The following TMEM233 variants were observed in gnomAD, a reference collection of about 807,000 sequenced individuals.
TMEM233 encodes the protein dispanin subfamily B member 2.
Under a neutral mutation model 11.2 loss-of-function variants are expected in TMEM233, and 6 were observed. The observed-to-expected ratio is 0.54, with a 90% CI of 0.29 to 1.06. TMEM233 has a LOEUF of 1.06. Ranked by LOEUF, TMEM233 falls within the 50% of genes least tolerant of loss-of-function variation. TMEM233 has a pLI of 0.08. For missense variants in TMEM233, 127 were observed against 144.7 expected, an observed-to-expected ratio of 0.88 and a Z score of 0.63; for synonymous variants, 59 against 55.8, an observed-to-expected ratio of 1.06 and a Z score of -0.26.
At chr12:119,626,552 AAGAGAAGAGAAG>A (rs1954769296) in intron 1 of TMEM233, among the ~76,000 whole-genome samples, 7 of 107,002 alleles carry the variant, frequency 6.5e-5, no homozygotes, top group African/African-American at 2.1e-4. Flanking sequence ...AAGAGAAGAG[AAGAGAAGAGAAG>A]AGAAGAGAAG....
At chr12:119,609,472 A>G (rs1430449713) in intron 1 of TMEM233, among the ~76,000 whole-genome samples, 1 of 152,204 alleles carries the variant, frequency 6.6e-6, no homozygotes, top group East Asian at 1.9e-4. Context: ...AATGGGCAAA[A>G]TGTCTCCAGG....
chr12:119,608,410 C>T (rs1031275667), intron 1 of TMEM233, among the ~76,000 whole-genome samples: 1 of 152,218 alleles, frequency 6.6e-6, no homozygotes, highest in Non-Finnish European at 1.5e-5. Flanking sequence ...ACATCCCCCC[C>T]AGATTTCTTG....
At position 119,594,835 on chromosome 12, in the gene TMEM233, C is replaced by A. The variant is rs1252626844; in HGVS notation, c.186+801C>A. 6.6e-6 allele frequency among the ~76,000 whole-genome samples: 1 copy of A among 152,150 alleles called. No individual in the cohort carries two copies. Among genetic ancestry groups the A allele is most frequent in the Non-Finnish European group, 1.5e-5 (1 of 68,026 alleles). ...AGTGGGTGCGCCTCTCTTACTCTTTCTACCCAGCGCGTCGTAGTTCCTCCC... is the reference window on the plus strand; with the variant it reads ...AGTGGGTGCGCCTCTCTTACTCTTTATACCCAGCGCGTCGTAGTTCCTCCC... On this transcript the variant is annotated intron_variant, in intron 1 of 2. Coordinates refer to ENST00000426426, the MANE Select transcript of TMEM233 (RefSeq NM_001136534.3). The surrounding 1 kb of genome is among the most constrained non-coding windows in gnomAD (Gnocchi z 5.6).
chr12:119,640,820 G>C lies in TMEM233; in HGVS notation c.*115G>C. 1 of 1,200,172 alleles carries C rather than the reference G, an allele frequency of 8.3e-7. No individual in the cohort carries two copies. Among genetic ancestry groups the C allele is most frequent in the Non-Finnish European group, 1.2e-6 (1 of 855,020 alleles). 74.3% of individuals were successfully genotyped at this position (1,200,172 alleles called of 1,614,324 possible). A position where few individuals can be genotyped will look rare whatever the true frequency, so the allele number is the denominator to read the frequency against. ...TCAGACTGTGAGATCTTTTCCTCCA[G>C]GACTCTCCAGAGGCAGGTCCCTGGC... On this transcript the variant is annotated 3_prime_UTR_variant, in exon 3 of 3. Transcript: ENST00000426426.
At chr12:119,644,125 T>G (rs1955121643), downstream of TMEM233, among the ~76,000 whole-genome samples, 1 of 152,194 alleles carries the variant, frequency 6.6e-6, no homozygotes, top group Non-Finnish European at 1.5e-5. Flanking sequence ...GAAACCGACC[T>G]ATCAAAATGG....
At chr12:119,598,953 G>A (rs1030009614) in intron 1 of TMEM233, among the ~76,000 whole-genome samples, 9 of 152,182 alleles carry the variant, frequency 5.9e-5, no homozygotes, top group South Asian at 2.1e-4. Context: ...GATGGAAGAC[G>A]TGTCTGTTCT....
intron 1 of TMEM233, among the ~76,000 whole-genome samples, chr12:119,596,649 C>G (rs1451806530): frequency 6.6e-6 from 1 of 151,904 alleles, no homozygotes; most frequent in Non-Finnish European, 1.5e-5. Flanking sequence ...CCGGCCACCA[C>G]GCCCGACTAA....
Position 119,628,492 on chromosome 12 carries a change from CTTTTTTTTTTTT to C in TMEM233, c.187-1230_187-1219del, listed in dbSNP as rs60789807. Among the ~76,000 whole-genome samples, 509 of 52,468 alleles carry C rather than the reference CTTTTTTTTTTTT, an allele frequency of 9.7e-3. 3 individuals are homozygous for C. The highest frequency in any genetic ancestry group is 0.022 in the Middle Eastern group (1 of 46). 34.4% of individuals were successfully genotyped at this position (52,468 alleles called of 152,430 possible). Reference sequence around the variant, plus strand: ...TGCTTTCTTCTACCACCAGCTCACTCTTTTTTTTTTTTTTTTTTTTTTTTTGAGATGGAGTCT... The same window carrying C: ...TGCTTTCTTCTACCACCAGCTCACTCTTTTTTTTTTTTTGAGATGGAGTCT... On this transcript the variant is annotated intron_variant, in intron 1 of 2. Coordinates refer to ENST00000426426, the MANE Select transcript of TMEM233 (RefSeq NM_001136534.3).
intron 1 of TMEM233, among the ~76,000 whole-genome samples, chr12:119,619,548 G>T (rs909971835): frequency 6.6e-6 from 1 of 151,816 alleles, no homozygotes; most frequent in African/African-American, 2.4e-5. Context: ...GGCTGAGGTG[G>T]GAAGATCACT....
At chr12:119,650,441 A>C in the TMEM233 span, among the ~76,000 whole-genome samples, 1 of 152,256 alleles carries the variant, frequency 6.6e-6, no homozygotes, top group Non-Finnish European at 1.5e-5. Flanking sequence ...TAACTCTCAG[A>C]GTTTAGTTCA....
downstream of TMEM233, among the ~76,000 whole-genome samples, chr12:119,646,740 C>T (rs528738294): frequency 6.6e-5 from 10 of 152,322 alleles, no homozygotes; most frequent in Admixed American, 6.5e-4. Context: ...TTTAGGGACC[C>T]TTGTCATTAC....
At chr12:119,600,892 T>C (rs1445435876) in intron 1 of TMEM233, among the ~76,000 whole-genome samples, 1 of 149,770 alleles carries the variant, frequency 6.7e-6, no homozygotes, top group Non-Finnish European at 1.5e-5. Flanking sequence ...AGTGTGAATG[T>C]ATTTAATGCC....
chr12:119,636,533 G>A (rs1245738833), intron 2 of TMEM233, among the ~76,000 whole-genome samples: 1 of 152,022 alleles, frequency 6.6e-6, no homozygotes, highest in Non-Finnish European at 1.5e-5. Flanking sequence ...GCCCCGGCTG[G>A]TCTTGAACTC....
At chr12:119,634,560 C>T (rs1954939157) in intron 2 of TMEM233, among the ~76,000 whole-genome samples, 1 of 152,104 alleles carries the variant, frequency 6.6e-6, no homozygotes. Flanking sequence ...CTGCAGTGAG[C>T]TGTGATCACA....
the TMEM233 span, among the ~76,000 whole-genome samples, chr12:119,651,825 C>CAAAAAAAAAAAAAAAAAAAAAAAAAA: frequency 1.3e-5 from 1 of 79,420 alleles, no homozygotes; most frequent in Non-Finnish European, 2.2e-5. Flanking sequence ...GACTCCGTCT[C>CAAAAAAAAAAAAAAAAAAAAAAAAAA]AAAAAAAAAA....
Position 119,593,833 on chromosome 12 carries a change from GC to G in TMEM233, c.-14del. 3 of 1,549,216 alleles carry G rather than the reference GC, an allele frequency of 1.9e-6. No individual in the cohort carries two copies. The highest frequency in any genetic ancestry group is 2.6e-6 in the Non-Finnish European group (3 of 1,145,380). ...CCGTGCGCTCCTCCGCCCTCCCGGC[GC>G]CGCCGGCCTCGCCCATGTCTCAGTA... On this transcript the variant is annotated 5_prime_UTR_variant, in exon 1 of 3. Coordinates refer to ENST00000426426, the MANE Select transcript of TMEM233 (RefSeq NM_001136534.3). This position sits in a 1 kb window ranked among gnomAD's most constrained non-coding sequence, Gnocchi z 4.1.
the TMEM233 span, among the ~76,000 whole-genome samples, chr12:119,650,658 T>G: frequency 7.0e-6 from 1 of 142,228 alleles, no homozygotes; most frequent in South Asian, 2.2e-4. Context: ...TGTTGTTGTT[T>G]TTGAGACGGA....
chr12:119,599,775 A>G (rs1201204590), intron 1 of TMEM233, among the ~76,000 whole-genome samples: 1 of 152,132 alleles, frequency 6.6e-6, no homozygotes, highest in African/African-American at 2.4e-5. Context: ...CTACCACCCC[A>G]CACAGCCAGG....
intron 1 of TMEM233, among the ~76,000 whole-genome samples, chr12:119,618,491 G>A (rs1036096346): frequency 1.3e-5 from 2 of 152,202 alleles, no homozygotes; most frequent in Admixed American, 1.3e-4. Context: ...TGTGAAAGCA[G>A]CTAGGGAAGG....
Sources: gnomAD v4.1 joint callset for allele counts (sites outside exome capture counted in the v4.1 genomes callset) on GRCh38, gnomAD v4.1.1 for gene constraint, Gnocchi (gnomAD v3.1) non-coding constraint, MANE v1.5 for transcripts, NCBI Gene and HGNC (gene_info 2026-07-23, HGNC 2026-07-21) for gene names.